KDELR1: variants seen among roughly 807,000 people sequenced by gnomAD.
The protein encoded by KDELR1 is ER lumen protein-retaining receptor 1.
A neutral mutation model predicts 25.5 loss-of-function variants in KDELR1; 16 were observed. The ratio of observed to expected loss-of-function variants is 0.63; its 90% CI spans 0.43 to 0.95. The LOEUF is 0.95. KDELR1 is among the 40% of genes least tolerant of loss of function. The pLI, the probability that KDELR1 is intolerant of heterozygous loss-of-function variation, is 0.00. For missense variants in KDELR1, 159 were observed against 265.2 expected (o/e 0.60, Z 2.78); for synonymous variants, 121 against 115.0 (o/e 1.05, Z -0.33).
At chr19:48,395,519 G>A (rs1257444606), upstream of KDELR1, among the ~76,000 whole-genome samples, 3 of 152,068 alleles carry the variant, frequency 2.0e-5, no homozygotes, top group Non-Finnish European at 1.5e-5. Context: ...GGAGGTGAGG[G>A]GGGAGGAAAC....
chr19:48,383,366 GC>G, intron 4 of KDELR1, 39 bp from the exon 5 acceptor site: 3 of 1,547,154 alleles, frequency 1.9e-6, no homozygotes, highest in Non-Finnish European at 2.6e-6. Context: ...TACCGCTGGG[GC>G]CCCTGCAGGG....
chr19:48,391,035 G>C (rs1261180382), intron 1 of KDELR1, among the ~76,000 whole-genome samples: 1 of 152,212 alleles, frequency 6.6e-6, no homozygotes, highest in Non-Finnish European at 1.5e-5. Flanking sequence ...ATTGGGGCTG[G>C]GGGTGGCTGA....
intron 3 of KDELR1, among the ~76,000 whole-genome samples, chr19:48,389,073 C>G (rs1970520558): frequency 6.6e-6 from 1 of 152,138 alleles, no homozygotes; most frequent in South Asian, 2.1e-4. Flanking sequence ...GAGTTCAAGA[C>G]CAGCCTGGTC....
intron 1 of KDELR1, chr19:48,390,761 G>T: frequency 5.9e-6 from 3 of 505,132 alleles, no homozygotes; most frequent in Non-Finnish European, 1.1e-5. Context: ...ACAGCCAGGG[G>T]GCAGCCCAGG....
the KDELR1 span, among the ~76,000 whole-genome samples, chr19:48,396,787 G>A: frequency 2.0e-5 from 3 of 152,052 alleles, no homozygotes; most frequent in South Asian, 4.1e-4. Context: ...CGCCCTGGCT[G>A]TCTGTGGGGT....
upstream of KDELR1, among the ~76,000 whole-genome samples, chr19:48,393,628 G>C (rs1466791160): frequency 6.6e-6 from 1 of 152,118 alleles, no homozygotes; most frequent in Non-Finnish European, 1.5e-5. The surrounding 1 kb of genome is among the most constrained non-coding windows in gnomAD (Gnocchi z 5.6). Flanking sequence ...GGGGCTGTGG[G>C]TCTCCCGGCA....
chr19:48,383,387 C>A, intron 4 of KDELR1, 60 bp from the exon 5 acceptor site: 2 of 1,487,228 alleles, frequency 1.3e-6, no homozygotes, highest in South Asian at 2.4e-5. Context: ...GAGGGGACAG[C>A]CTCCCACAGC....
chr19:48,387,131 C>T (rs1374845331), intron 3 of KDELR1, among the ~76,000 whole-genome samples: 1 of 150,810 alleles, frequency 6.6e-6, no homozygotes, highest in Non-Finnish European at 1.5e-5. Context: ...GCAAGCCGCA[C>T]TACCTCCCTC....
chr19:48,391,119 G>T lies in KDELR1; in HGVS notation c.91+149C>A, dbSNP rs1269907837. 22 of 710,368 alleles carry T rather than the reference G, an allele frequency of 3.1e-5. No individual in the cohort carries two copies. In the East Asian group the frequency reaches 5.9e-4, roughly 19 times the overall value. The allele number at this position is 710,368 out of a possible 1,614,324, so 44.0% of individuals were successfully genotyped here. On this transcript the variant is annotated intron_variant, in intron 1 of 4. Transcript: ENST00000330720. ...TCTGGGGAAGGGAGCTGATCCCCTG[G>T]AGACCCAGAACCTAGAAGAGAGATC...
upstream of KDELR1, among the ~76,000 whole-genome samples, chr19:48,393,031 A>C (rs1970580344): frequency 2.0e-5 from 3 of 152,194 alleles, no homozygotes; most frequent in South Asian, 6.2e-4. This position sits in a 1 kb window ranked among gnomAD's most constrained non-coding sequence, Gnocchi z 5.6. Flanking sequence ...CAATAAAAGA[A>C]GGGGTGCAGG....
Position 48,390,553 on chromosome 19 carries a change from GAGAGAGAGAC to G in KDELR1, c.92-39_92-30del, listed in dbSNP as rs1351906478. 19 of 1,403,068 alleles carry G rather than the reference GAGAGAGAGAC, an allele frequency of 1.4e-5. No homozygotes were observed. In the African/African-American group the frequency reaches 1.8e-4, roughly 13 times the overall value. The allele number at this position is 1,403,068 out of a possible 1,614,324, so 86.9% of individuals were successfully genotyped here. A position where few individuals can be genotyped will look rare whatever the true frequency, so the allele number is the denominator to read the frequency against. The stretch of plus-strand genomic sequence containing the variant: ...TGGTCCAGAGACAGAGAAAGAGAGA[GAGAGAGAGAC>G]AGAGAGAGAGAGAGAGACAGACAGA... On this transcript the variant is annotated intron_variant, in intron 1 of 4. Coordinates refer to ENST00000330720, the MANE Select transcript of KDELR1 (RefSeq NM_006801.3).
intron 2 of KDELR1, chr19:48,390,144 C>T (rs1970532687): frequency 2.6e-6 from 1 of 384,686 alleles, no homozygotes; most frequent in Non-Finnish European, 4.6e-6. Flanking sequence ...GGAGTCCAGG[C>T]CCCAGTCCCT....
intron 3 of KDELR1, among the ~76,000 whole-genome samples, chr19:48,389,250 A>C (rs1970521844): frequency 6.6e-6 from 1 of 152,218 alleles, no homozygotes; most frequent in Non-Finnish European, 1.5e-5. Flanking sequence ...AGTCTGGGCA[A>C]CAGAGCGAGA....
chr19:48,383,473 G>C (rs1970472177), intron 4 of KDELR1, 146 bp from the exon 5 acceptor site: 1 of 703,818 alleles, frequency 1.4e-6, no homozygotes, highest in African/African-American at 1.8e-5. Context: ...TACATTCCTG[G>C]TTTCTTTCCT....
upstream of KDELR1, among the ~76,000 whole-genome samples, chr19:48,394,253 A>T (rs970756014): frequency 6.6e-5 from 10 of 151,444 alleles, no homozygotes; most frequent in African/African-American, 1.9e-4. The surrounding 1 kb of genome is among the most constrained non-coding windows in gnomAD (Gnocchi z 5.1). Context: ...CAGGGAAGTG[A>T]GATCGTGCGT....
rs1335856710 is a variant in KDELR1 at position 48,384,621 on chromosome 19, T to A, written c.352-139A>T. The A allele has an allele frequency of 4.7e-6, 5 of 1,053,722 alleles. No individual in the cohort carries two copies. In the African/African-American group the frequency reaches 8.0e-5, roughly 17 times the overall value. 65.3% of individuals were successfully genotyped at this position (1,053,722 alleles called of 1,614,324 possible). A position where few individuals can be genotyped will look rare whatever the true frequency, so the allele number is the denominator to read the frequency against. ...GGTGCTGCCAAGTGCCAGACACAGT[T>A]CTGCCCGAGTTACTGGTACCTCTGA... On this transcript the variant is annotated intron_variant, in intron 3 of 4. Transcript: ENST00000330720. This position sits in a 1 kb window ranked among gnomAD's most constrained non-coding sequence, Gnocchi z 4.6.
chr19:48,387,099 G>C (rs1408278686), intron 3 of KDELR1, among the ~76,000 whole-genome samples: 2 of 149,556 alleles, frequency 1.3e-5, no homozygotes, highest in South Asian at 2.1e-4. Flanking sequence ...CCTGGGTTCT[G>C]GTCTGGCCTC....
chr19:48,384,887 TTTC>T lies in KDELR1; in HGVS notation c.352-408_352-406del, dbSNP rs1332248038. 7.8e-6 allele frequency among the ~76,000 whole-genome samples: 1 copy of T among 127,986 alleles called. No homozygotes were observed. Among genetic ancestry groups the T allele is most frequent in the African/African-American group, 2.9e-5 (1 of 33,954 alleles). 84.0% of individuals were successfully genotyped at this position (127,986 alleles called of 152,430 possible). A position where few individuals can be genotyped will look rare whatever the true frequency, so the allele number is the denominator to read the frequency against. The stretch of plus-strand genomic sequence containing the variant: ...TTGGAAATTTCCCTTCCTTTTTCTT[TTTC>T]TTTTTTTTTTTTTTGAGATGGAGTA... On this transcript the variant is annotated intron_variant, in intron 3 of 4. Coordinates refer to ENST00000330720, the MANE Select transcript of KDELR1 (RefSeq NM_006801.3). The surrounding 1 kb of genome is among the most constrained non-coding windows in gnomAD (Gnocchi z 4.6).
At chr19:48,389,063 G>A (rs897742962) in intron 3 of KDELR1, among the ~76,000 whole-genome samples, 15 of 152,174 alleles carry the variant, frequency 9.9e-5, no homozygotes, top group Non-Finnish European at 5.9e-5. Flanking sequence ...TTGAGCCCAG[G>A]AGTTCAAGAC....
Sources: gnomAD v4.1 joint callset for allele counts (sites outside exome capture counted in the v4.1 genomes callset) on GRCh38, gnomAD v4.1.1 for gene constraint, Gnocchi (gnomAD v3.1) non-coding constraint, MANE v1.5 for transcripts, NCBI Gene and HGNC (gene_info 2026-07-23, HGNC 2026-07-21) for gene names.